Variants in MACROD1 observed in about 807,000 individuals in gnomAD.
MACROD1 encodes the protein mono-ADP ribosylhydrolase 1, also known as ADP-ribose glycohydrolase MACROD1.
Under a neutral mutation model 41.4 loss-of-function variants are expected in MACROD1, and 31 were observed. That is an observed-to-expected ratio of 0.75 (90% CI 0.56 to 1.01). MACROD1 has a LOEUF of 1.01. Ranked by LOEUF, MACROD1 falls within the 50% of genes least tolerant of loss-of-function variation. MACROD1 has a pLI of 0.00. For missense variants in MACROD1, 473 were observed against 460.0 expected (o/e 1.03, Z -0.26); for synonymous variants, 252 against 203.4 (o/e 1.24, Z -2.03).
At chr11:64,084,155 C>A (rs971550355) in intron 3 of MACROD1, among the ~76,000 whole-genome samples, 2 of 152,176 alleles carry the variant, frequency 1.3e-5, no homozygotes, top group Non-Finnish European at 2.9e-5. Flanking sequence ...GTGCATGGCA[C>A]GCGCGCCTTC....
intron 4 of MACROD1, chr11:64,001,617 T>C: frequency 2.9e-6 from 2 of 701,274 alleles, no homozygotes; most frequent in South Asian, 3.0e-5. Context: ...CACCAGGCAA[T>C]TTCCCAGAGC....
Position 64,120,120 on chromosome 11 carries a change from G to A in MACROD1, c.517+31119C>T, listed in dbSNP as rs551228927. Among the ~76,000 whole-genome samples the A allele has an allele frequency of 6.6e-6, 1 of 152,272 alleles. No individual in the cohort carries two copies. Among genetic ancestry groups the A allele is most frequent in the African/African-American group, 2.4e-5 (1 of 41,562 alleles). The stretch of plus-strand genomic sequence containing the variant: ...AGCGGGGCAGGGGTTACGTTAAAAG[G>A]CCCGACCGCCACCTTCAGTGAGGAG... On this transcript the variant is annotated intron_variant, in intron 3 of 10. Transcript: ENST00000255681. This position sits in a 1 kb window ranked among gnomAD's most constrained non-coding sequence, Gnocchi z 4.5.
chr11:64,078,873 G>A (rs1363427546), intron 3 of MACROD1, among the ~76,000 whole-genome samples: 2 of 152,206 alleles, frequency 1.3e-5, no homozygotes, highest in South Asian at 2.1e-4. Flanking sequence ...CTCGGCAGAG[G>A]GGACAGCGAG....
At chr11:64,075,592 C>T (rs892620816) in intron 3 of MACROD1, among the ~76,000 whole-genome samples, 1 of 152,224 alleles carries the variant, frequency 6.6e-6, no homozygotes, top group Non-Finnish European at 1.5e-5. Flanking sequence ...AGATCCTTGT[C>T]CCATTCCATC....
intron 3 of MACROD1, among the ~76,000 whole-genome samples, chr11:64,053,164 CTGGGGCTGGGCTTGGG>C (rs1381728642): frequency 6.6e-6 from 1 of 152,158 alleles, no homozygotes; most frequent in African/African-American, 2.4e-5. Flanking sequence ...AGACGGAGAG[CTGGGGCTGGGCTTGGG>C]GCCCTGGGGT....
At chr11:64,121,440 T>C (rs1182182394) in intron 3 of MACROD1, among the ~76,000 whole-genome samples, 1 of 152,214 alleles carries the variant, frequency 6.6e-6, no homozygotes, top group Non-Finnish European at 1.5e-5. Flanking sequence ...TCATCTTTTC[T>C]GCCCCTTAGC....
intron 3 of MACROD1, among the ~76,000 whole-genome samples, chr11:64,142,551 C>T (rs1945428603): frequency 1.3e-5 from 2 of 152,222 alleles, no homozygotes; most frequent in Admixed American, 1.3e-4. Flanking sequence ...CCAGCCAATG[C>T]TCCACTCACT....
intron 3 of MACROD1, among the ~76,000 whole-genome samples, chr11:64,069,280 G>A (rs1944062401): frequency 6.6e-6 from 1 of 152,352 alleles, no homozygotes; most frequent in East Asian, 1.9e-4. Flanking sequence ...CTGAACCGCA[G>A]GGGAAGGTGC....
chr11:64,158,524 T>C (rs766892678), intron 1 of MACROD1, among the ~76,000 whole-genome samples: 26 of 152,248 alleles, frequency 1.7e-4, no homozygotes, highest in Non-Finnish European at 2.8e-4. Flanking sequence ...ATTACAGGCG[T>C]GAGCCACCAC....
rs1023047231 is a variant in MACROD1 at position 64,089,710 on chromosome 11, T to G, written c.517+61529A>C. Among the ~76,000 whole-genome samples the G allele has an allele frequency of 7.9e-5, 12 of 152,218 alleles. No homozygotes were observed. In the East Asian group the frequency reaches 1.4e-3, roughly 17 times the overall value. On this transcript the variant is annotated intron_variant, in intron 3 of 10. Coordinates refer to ENST00000255681, the MANE Select transcript of MACROD1 (RefSeq NM_014067.4). ...CAGGGCCTGGACAAAGTGGGGCTCT[T>G]GAGGGAGGGTGAGAGGCCCTGAGAC...
At chr11:64,039,186 T>C (rs1448502588) in intron 3 of MACROD1, among the ~76,000 whole-genome samples, 1 of 151,894 alleles carries the variant, frequency 6.6e-6, no homozygotes, top group Non-Finnish European at 1.5e-5. Flanking sequence ...TGAGGCCCCT[T>C]ATAGGATGGG....
chr11:63,999,242 G>A, intron 8 of MACROD1, 89 bp downstream of exon 8: 1 of 1,485,214 alleles, frequency 6.7e-7, no homozygotes, highest in Admixed American at 2.0e-5. Flanking sequence ...CTGGCCCTGC[G>A]CTCTGCACCC....
intron 3 of MACROD1, among the ~76,000 whole-genome samples, chr11:64,017,786 C>A (rs1590804145): frequency 6.6e-6 from 1 of 152,162 alleles, no homozygotes; most frequent in Non-Finnish European, 1.5e-5. Flanking sequence ...CCCCCCACCT[C>A]CCCCCATCAC....
intron 3 of MACROD1, among the ~76,000 whole-genome samples, chr11:64,107,989 C>G (rs1392969158): frequency 3.3e-5 from 5 of 152,090 alleles, no homozygotes; most frequent in Admixed American, 6.5e-5. Flanking sequence ...TTGAAAGTAA[C>G]CTTATTTTAT....
rs1364847155 is a variant in MACROD1, at chr11:64,096,874, C to G, written c.517+54365G>C. On this transcript the variant is annotated intron_variant, in intron 3 of 10. Coordinates refer to ENST00000255681, the MANE Select transcript of MACROD1 (RefSeq NM_014067.4). This position sits in a 1 kb window ranked among gnomAD's most constrained non-coding sequence, Gnocchi z 4.6. ...GTGTCCCTTCGAGGGCCTCCCCCGG[C>G]AGAGCTGAGAGCCGATGCCTGTCCC... Among the ~76,000 whole-genome samples the G allele has an allele frequency of 6.6e-6, 1 of 152,228 alleles. No individual in the cohort carries two copies. The highest frequency in any genetic ancestry group is 1.5e-5 in the Non-Finnish European group (1 of 68,038).
intron 4 of MACROD1, among the ~76,000 whole-genome samples, chr11:64,010,214 GGTGTTGCC>G (rs1451972313): frequency 2.3e-3 from 347 of 149,808 alleles, no homozygotes; most frequent in Non-Finnish European, 3.4e-3. Context: ...TATTGGTTGG[GGTGTTGCC>G]CAGAGTGTTA....
intron 4 of MACROD1, among the ~76,000 whole-genome samples, chr11:64,007,797 A>T (rs1463630221): frequency 6.6e-6 from 1 of 152,180 alleles, no homozygotes; most frequent in Non-Finnish European, 1.5e-5. Context: ...AGACTGGCAC[A>T]GGGACAGGTG....
chr11:64,099,673 T>C (rs370249322), intron 3 of MACROD1, among the ~76,000 whole-genome samples: 1 of 148,376 alleles, frequency 6.7e-6, no homozygotes, highest in African/African-American at 2.5e-5. Flanking sequence ...AGTGGATAGA[T>C]TGATGGAGGG....
chr11:64,111,326 G>A (rs189700993), intron 3 of MACROD1, among the ~76,000 whole-genome samples: 3 of 152,356 alleles, frequency 2.0e-5, no homozygotes, highest in East Asian at 1.9e-4. Flanking sequence ...CCAGCCAGAC[G>A]CTGGGGGCCC....
Sources: allele counts gnomAD v4.1 joint callset (sites outside exome capture counted in the v4.1 genomes callset), GRCh38; gene constraint gnomAD v4.1.1; non-coding constraint Gnocchi (gnomAD v3.1); transcripts MANE v1.5; gene names NCBI Gene and HGNC (gene_info 2026-07-23, HGNC 2026-07-21).